GDPD5: variants seen among roughly 807,000 people sequenced by gnomAD.
The protein encoded by GDPD5 is glycerophosphodiester phosphodiesterase domain containing 5, also known as glycerophosphodiester phosphodiesterase 2.
A neutral mutation model predicts 75.1 loss-of-function variants in GDPD5; 48 were observed. The ratio of observed to expected loss-of-function variants is 0.64; its 90% CI spans 0.51 to 0.81. The LOEUF is 0.81. GDPD5 is among the 40% of genes least tolerant of loss of function. The pLI is 0.00. For synonymous variants in GDPD5, 336 were observed against 339.0 expected, an observed-to-expected ratio of 0.99 and a Z score of 0.10; for missense variants, 706 against 822.6, an observed-to-expected ratio of 0.86 and a Z score of 1.73.
Position 75,435,390 on chromosome 11 carries a change from CA to C in GDPD5, c.*116del. The C allele has an allele frequency of 1.0e-6, 1 of 978,966 alleles. No individual in the cohort carries two copies. Among genetic ancestry groups the C allele is most frequent in the East Asian group, 2.5e-5 (1 of 39,340 alleles). 60.6% of individuals were successfully genotyped at this position (978,966 alleles called of 1,614,324 possible). A position where few individuals can be genotyped will look rare whatever the true frequency, so the allele number is the denominator to read the frequency against. On this transcript the variant is annotated 3_prime_UTR_variant, in exon 17 of 17. Coordinates refer to ENST00000336898, the MANE Select transcript of GDPD5 (RefSeq NM_030792.8). ...CTGCGGCTGACAAGGGGCTGGAGCC[CA>C]CAAGGAGGCTGTGGAGCCCGCTCCC...
chr11:75,442,623 C>T, intron 11 of GDPD5, 42 bp from the exon 12 acceptor site: 3 of 1,584,090 alleles, frequency 1.9e-6, no homozygotes, highest in Non-Finnish European at 2.6e-6. Context: ...ATCATCAGCC[C>T]TTTGGGGGCC....
chr11:75,525,603 AG>A lies in GDPD5; in HGVS notation c.-539del, dbSNP rs1342100816. On this transcript the variant is annotated 5_prime_UTR_variant, in exon 1 of 17. Coordinates refer to ENST00000336898, the MANE Select transcript of GDPD5 (RefSeq NM_030792.8). ...AACCACGGACCGGTACGGCGGCGTT[AG>A]GAGCGTCCCGTCCCGGCGCAGCGGG... 1 of 151,926 alleles carries A rather than the reference AG, an allele frequency of 6.6e-6. No individual in the cohort carries two copies. Among genetic ancestry groups the A allele is most frequent in the Non-Finnish European group, 1.5e-5 (1 of 67,982 alleles). 9.4% of individuals were successfully genotyped at this position (151,926 alleles called of 1,614,324 possible). A position where few individuals can be genotyped will look rare whatever the true frequency, so the allele number is the denominator to read the frequency against.
chr11:75,449,006 C>G lies in GDPD5; in HGVS notation c.685G>C (p.Ala229Pro). The G allele has an allele frequency of 6.3e-7, 1 of 1,596,746 alleles. No individual in the cohort carries two copies. Among genetic ancestry groups the G allele is most frequent in the East Asian group, 2.3e-5 (1 of 44,202 alleles). The stretch of plus-strand genomic sequence containing the variant: ...GGGGCCCCGCGGTGGCCAATGAGAG[C>G]AGGCTTGGGGCCGAGGTCTTTCTTC... ...MEKKDLGPKP[A>P]LIGHRGAPML... is the part of the protein sequence containing the mutation. Residue 229 changes from alanine (A) to proline (P), a missense_variant, in exon 9 of 17, where the codon GCT (alanine) becomes CCT (proline). Physicochemically the swap from Ala to Pro is conservative, Grantham distance 27. Transcript: ENST00000336898.
At chr11:75,449,209 G>A in intron 8 of GDPD5, 87 bp from the exon 9 acceptor site, 1 of 1,458,802 alleles carries the variant, frequency 6.9e-7, no homozygotes, top group East Asian at 2.5e-5. Context: ...CGACCTGTCA[G>A]GATCCAGGTG....
At chr11:75,521,283 T>C (rs1173505866) in intron 1 of GDPD5, among the ~76,000 whole-genome samples, 3 of 152,180 alleles carry the variant, frequency 2.0e-5, no homozygotes, top group Admixed American at 2.0e-4. Context: ...GAAAAAACCT[T>C]GTCCAGGCTT....
Position 75,435,355 on chromosome 11 carries a change from T to A in GDPD5, c.*152A>T. 18 of 650,922 alleles carry A rather than the reference T, an allele frequency of 2.8e-5. No individual in the cohort carries two copies. The highest frequency in any genetic ancestry group is 8.6e-5 in the East Asian group (3 of 34,766). 40.3% of individuals were successfully genotyped at this position (650,922 alleles called of 1,614,324 possible). A position where few individuals can be genotyped will look rare whatever the true frequency, so the allele number is the denominator to read the frequency against. ...GGCCTCAGGAGACAGGGAGTCCCCC[T>A]CAAGAGAGGCTGCGGCTGACAAGGG... On this transcript the variant is annotated 3_prime_UTR_variant, in exon 17 of 17. Coordinates refer to ENST00000336898, the MANE Select transcript of GDPD5 (RefSeq NM_030792.8).
intron 15 of GDPD5, 82 bp downstream of exon 15, chr11:75,439,797 G>A: frequency 2.6e-6 from 3 of 1,162,246 alleles, no homozygotes; most frequent in Non-Finnish European, 3.9e-6. Context: ...CCAGGGCTCA[G>A]GAGAGGGTTC....
chr11:75,466,606 T>G (rs1949522169), intron 3 of GDPD5, among the ~76,000 whole-genome samples: 1 of 151,808 alleles, frequency 6.6e-6, no homozygotes. Flanking sequence ...ACACTAGGGG[T>G]TGTTTATTTA....
intron 15 of GDPD5, chr11:75,439,242 G>A: frequency 2.3e-6 from 1 of 434,002 alleles, no homozygotes; most frequent in South Asian, 1.6e-5. Context: ...CCCGGGCACA[G>A]GGCTTGGTGC....
At chr11:75,453,492 C>T (rs1311455893) in intron 6 of GDPD5, among the ~76,000 whole-genome samples, 1 of 152,086 alleles carries the variant, frequency 6.6e-6, no homozygotes, top group Non-Finnish European at 1.5e-5. Context: ...GTGGCCGGTG[C>T]CTGTAGTCCC....
In GDPD5 at chr11:75,456,773, A is replaced by G. The variant is rs1949293960; in HGVS notation, c.359T>C (p.Leu120Pro). Reference protein sequence around the residue: ...CHIAVGQQMNLHWLHKIGLVV... With the variant: ...CHIAVGQQMNPHWLHKIGLVV... ...GGCCCTTACCTTGTGCAGCCAGTGC[A>G]GGTTCATCTGCTGCCCCACGGCAAT... The change falls in exon 6 of 17, where the codon CTG becomes CCG. Residue 120 changes from leucine (L) to proline (P), a missense_variant. By Grantham distance (98) the Leu-to-Pro change is moderately conservative. Transcript: ENST00000336898. 1 of 1,614,110 alleles carries G rather than the reference A, an allele frequency of 6.2e-7. No individual in the cohort carries two copies. Among genetic ancestry groups the G allele is most frequent in the Non-Finnish European group, 8.5e-7 (1 of 1,180,034 alleles).
At chr11:75,511,810 G>C (rs931989403) in intron 1 of GDPD5, among the ~76,000 whole-genome samples, 1 of 152,218 alleles carries the variant, frequency 6.6e-6, no homozygotes, top group African/African-American at 2.4e-5. Context: ...AGGTAACAGA[G>C]TGGGCCAGAG....
At chr11:75,505,669 C>T (rs1477006084) in intron 1 of GDPD5, among the ~76,000 whole-genome samples, 2 of 152,162 alleles carry the variant, frequency 1.3e-5, no homozygotes, top group African/African-American at 4.8e-5. Flanking sequence ...CCTCATGATC[C>T]TGCCCCAGGC....
intron 1 of GDPD5, among the ~76,000 whole-genome samples, chr11:75,490,906 G>T (rs1950096426): frequency 6.6e-6 from 1 of 152,180 alleles, no homozygotes; most frequent in African/African-American, 2.4e-5. Flanking sequence ...GTACCAACAG[G>T]CCACGGGAAG....
chr11:75,446,218 T>C (rs1230677493), intron 9 of GDPD5, among the ~76,000 whole-genome samples: 2 of 152,014 alleles, frequency 1.3e-5, no homozygotes, highest in African/African-American at 4.8e-5. Flanking sequence ...GCAGAGGAAG[T>C]GTTTGGGAAG....
At position 75,444,458 on chromosome 11, in the gene GDPD5, G is replaced by A. The variant is rs138488771; in HGVS notation, c.752C>T (p.Ala251Val). The change falls in exon 10 of 17, where the codon GCC becomes GTC. Residue 251 changes from alanine (A) to valine (V), a missense_variant. By Grantham distance (64) the Ala-to-Val change is moderately conservative. Transcript: ENST00000336898. ...GAGCCCGTACAGCTTCTGCTCGAGG[G>A]CCTTCCGGAAGGACATGAGCGTGTG... Reference protein sequence around the residue: ...PEHTLMSFRKALEQKLYGLQA... With the variant: ...PEHTLMSFRKVLEQKLYGLQA... 87 of 1,613,808 alleles carry A rather than the reference G, an allele frequency of 5.4e-5. No individual in the cohort carries two copies. The African/African-American group carries it at 1.0e-3, about 19-fold the overall frequency.
intron 6 of GDPD5, chr11:75,451,888 CATT>C (rs1215439311): frequency 1.2e-4 from 19 of 152,244 alleles, no homozygotes; most frequent in Admixed American, 7.2e-4. Context: ...TACCTTGCAT[CATT>C]AAGTTATAGC....
At chr11:75,496,779 C>CTTTCTTTTTTTTTTT (rs58663409) in intron 1 of GDPD5, among the ~76,000 whole-genome samples, 47 of 103,134 alleles carry the variant, frequency 4.6e-4, no homozygotes, top group East Asian at 1.3e-3. Context: ...TTCTTTCTTT[C>CTTTCTTTTTTTTTTT]TTTTTTTTTT....
rs1039508855 is a variant in GDPD5, at chr11:75,495,303, T to G, written c.-144-4983A>C. ...CACACACTATATATAAGTCTGAATTTAATTTTATATATATATATAATTTGA... is the reference window on the plus strand; with the variant it reads ...CACACACTATATATAAGTCTGAATTGAATTTTATATATATATATAATTTGA... On this transcript the variant is annotated intron_variant, in intron 1 of 16. Coordinates refer to ENST00000336898, the MANE Select transcript of GDPD5 (RefSeq NM_030792.8). 4.7e-5 allele frequency among the ~76,000 whole-genome samples: 7 copies of G among 150,472 alleles called. No individual in the cohort carries two copies. The East Asian group carries it at 9.8e-4, about 21-fold the overall frequency.
Sources: gnomAD v4.1 joint callset for allele counts (sites outside exome capture counted in the v4.1 genomes callset) on GRCh38, gnomAD v4.1.1 for gene constraint, MANE v1.5 for transcripts, NCBI Gene and HGNC (gene_info 2026-07-23, HGNC 2026-07-21) for gene names.